The following PTPRK variants were observed in gnomAD, a reference collection of about 807,000 sequenced individuals.
The protein encoded by PTPRK is receptor-type tyrosine-protein phosphatase kappa.
In PTPRK, 75 loss-of-function variants were observed where a neutral mutation model predicts 178.0. The ratio of observed to expected loss-of-function variants is 0.42; its 90% CI spans 0.35 to 0.51. PTPRK has a LOEUF of 0.51. PTPRK is among the 20% of genes least tolerant of loss of function. PTPRK has a pLI of 0.02. For synonymous variants in PTPRK, 637 were observed against 620.6 expected (o/e 1.03, Z -0.39); for missense variants, 1,441 against 1,797.8 (o/e 0.80, Z 3.59).
intron 7 of PTPRK, among the ~76,000 whole-genome samples, chr6:128,123,081 T>C (rs919125131): frequency 1.2e-4 from 19 of 152,152 alleles, no homozygotes; most frequent in African/African-American, 4.6e-4. Context: ...CTAAATTCAA[T>C]GATGAATATC....
At chr6:128,501,802 A>G (rs1234018002) in intron 1 of PTPRK, among the ~76,000 whole-genome samples, 4 of 152,264 alleles carry the variant, frequency 2.6e-5, no homozygotes, top group Non-Finnish European at 5.9e-5. Flanking sequence ...ATAATTCAGT[A>G]GAAAATAATG....
chr6:128,346,325 G>A (rs1832428657), intron 2 of PTPRK, among the ~76,000 whole-genome samples: 1 of 151,978 alleles, frequency 6.6e-6, no homozygotes, highest in African/African-American at 2.4e-5. Flanking sequence ...GAAGGAAACA[G>A]ATAAAGATGA....
chr6:128,164,738 C>T (rs1444649330), intron 7 of PTPRK, among the ~76,000 whole-genome samples: 1 of 150,474 alleles, frequency 6.6e-6, no homozygotes, highest in Non-Finnish European at 1.5e-5. Flanking sequence ...AGATTAAAAA[C>T]ATTTAATAAA....
chr6:128,025,007 C>T (rs1466733029), intron 13 of PTPRK, among the ~76,000 whole-genome samples: 3 of 152,176 alleles, frequency 2.0e-5, no homozygotes, highest in African/African-American at 7.2e-5. Flanking sequence ...TAAGATCACA[C>T]AGTACTAGTT....
chr6:128,464,620 C>CATAT (rs1174612862), intron 1 of PTPRK, among the ~76,000 whole-genome samples: 3,536 of 88,324 alleles, frequency 0.04, 121 homozygotes, highest in African/African-American at 0.075. Context: ...TATACATATA[C>CATAT]ATATATATAT....
At chr6:128,074,190 T>C (rs1357011176) in intron 11 of PTPRK, among the ~76,000 whole-genome samples, 1 of 152,064 alleles carries the variant, frequency 6.6e-6, no homozygotes, top group African/African-American at 2.4e-5. Context: ...GCAAATTAGA[T>C]GTTCTCCACA....
At chr6:128,243,118 A>T (rs974598688) in intron 3 of PTPRK, among the ~76,000 whole-genome samples, 8 of 152,172 alleles carry the variant, frequency 5.3e-5, no homozygotes, top group African/African-American at 1.9e-4. Context: ...TTGGGATGGC[A>T]TGTTTGGAAA....
intron 2 of PTPRK, among the ~76,000 whole-genome samples, chr6:128,376,650 T>C (rs978001599): frequency 1.3e-5 from 2 of 152,206 alleles, no homozygotes; most frequent in Admixed American, 1.3e-4. Context: ...GAAAATGAGA[T>C]TTTCTTTTCT....
At chr6:128,458,180 T>C (rs1584807151) in intron 1 of PTPRK, among the ~76,000 whole-genome samples, 1 of 152,008 alleles carries the variant, frequency 6.6e-6, no homozygotes, top group East Asian at 1.9e-4. Flanking sequence ...TGAATAGCAA[T>C]AAGAAAATTG....
At chr6:128,464,672 T>C (rs538046957) in intron 1 of PTPRK, among the ~76,000 whole-genome samples, 4 of 124,814 alleles carry the variant, frequency 3.2e-5, no homozygotes, top group African/African-American at 9.4e-5. Context: ...TATATATATA[T>C]ATACAACAGA....
intron 1 of PTPRK, among the ~76,000 whole-genome samples, chr6:128,449,731 A>G (rs1048601193): frequency 6.6e-6 from 1 of 152,188 alleles, no homozygotes; most frequent in African/African-American, 2.4e-5. Flanking sequence ...ACACATTCAC[A>G]CTTACGCTGT....
In PTPRK at chr6:128,410,353, T is replaced by C. The variant is rs77567763; in HGVS notation, c.101-12665A>G. On this transcript the variant is annotated intron_variant, in intron 1 of 29. Coordinates refer to ENST00000368226, the MANE Select transcript of PTPRK (RefSeq NM_002844.4). ...CCCACAAAACGAGAATCATCCAATT[T>C]ATAGGATTCTGCAGTTCACCCTCAG... 4.5e-4 allele frequency among the ~76,000 whole-genome samples: 69 copies of C among 152,308 alleles called. No individual in the cohort carries two copies. In the East Asian group the frequency reaches 6.9e-3, roughly 15 times the overall value.
At chr6:127,984,374 T>C (rs547499319) in intron 22 of PTPRK, among the ~76,000 whole-genome samples, 20 of 152,316 alleles carry the variant, frequency 1.3e-4, no homozygotes, top group Admixed American at 1.2e-3. Flanking sequence ...TAATATACTG[T>C]GATTATTTTG....
chr6:128,494,599 C>T (rs1449830081), intron 1 of PTPRK, among the ~76,000 whole-genome samples: 2 of 152,074 alleles, frequency 1.3e-5, no homozygotes, highest in African/African-American at 2.4e-5. Flanking sequence ...AATAGTACAA[C>T]CAAAACAACA....
intron 7 of PTPRK, among the ~76,000 whole-genome samples, chr6:128,142,566 AC>A (rs1795929034): frequency 1.3e-5 from 2 of 151,664 alleles, no homozygotes; most frequent in African/African-American, 4.8e-5. Flanking sequence ...ATATATACAC[AC>A]ACACACGTGT....
intron 1 of PTPRK, among the ~76,000 whole-genome samples, chr6:128,465,189 G>A (rs192704313): frequency 8.2e-5 from 12 of 147,130 alleles, no homozygotes; most frequent in Admixed American, 3.3e-4. Context: ...AAAGCTTTAC[G>A]TAAAAAAAGT....
chr6:128,304,230 T>C lies in PTPRK; in HGVS notation c.495+17809A>G, dbSNP rs1487001782. ...TAGAAGGAGAAACATAGCTTCTTTA[T>C]GAGAGAAAGTATTTTAGAATAACTC... On this transcript the variant is annotated intron_variant, in intron 3 of 29. Coordinates refer to ENST00000368226, the MANE Select transcript of PTPRK (RefSeq NM_002844.4). Among the ~76,000 whole-genome samples, 9 of 152,318 alleles carry C rather than the reference T, an allele frequency of 5.9e-5. No homozygotes were observed. The East Asian group carries it at 1.7e-3, about 29-fold the overall frequency.
intron 6 of PTPRK, among the ~76,000 whole-genome samples, chr6:128,195,292 G>A (rs927695601): frequency 7.2e-5 from 11 of 151,892 alleles, no homozygotes; most frequent in Non-Finnish European, 4.4e-5. Context: ...AACATACAAC[G>A]TACAAGCATA....
intron 7 of PTPRK, among the ~76,000 whole-genome samples, chr6:128,107,512 G>C (rs956839926): frequency 6.6e-6 from 1 of 152,104 alleles, no homozygotes. Flanking sequence ...TGTAAAAAGT[G>C]ATGGAGAAAT....
Sources: gnomAD v4.1 joint callset for allele counts (sites outside exome capture counted in the v4.1 genomes callset) on GRCh38, gnomAD v4.1.1 for gene constraint, MANE v1.5 for transcripts, NCBI Gene and HGNC (gene_info 2026-07-23, HGNC 2026-07-21) for gene names.